SLC35D3: variants seen among roughly 807,000 people sequenced by gnomAD.
The protein encoded by SLC35D3 is frc, fringe-like 1.
Under a neutral mutation model 20.3 loss-of-function variants are expected in SLC35D3, and 18 were observed. That is an observed-to-expected ratio of 0.89 (90% CI 0.61 to 1.32). The LOEUF (loss-of-function observed/expected upper bound fraction) is 1.32. SLC35D3 is among the 40% of genes most tolerant of loss of function. The probability of loss-of-function intolerance (pLI) is 0.00; values close to 1 mark genes in which losing one functional copy is unlikely to be tolerated. For missense variants in SLC35D3, 556 were observed against 565.5 expected, an observed-to-expected ratio of 0.98 and a Z score of 0.17; for synonymous variants, 313 against 263.5, an observed-to-expected ratio of 1.19 and a Z score of -1.82.
Position 136,922,485 on chromosome 6 carries a change from G to T in SLC35D3, c.57G>T (p.Gly19=). The T allele has an allele frequency of 1.2e-6, 2 of 1,607,618 alleles. No individual in the cohort carries two copies. Among genetic ancestry groups the T allele is most frequent in the South Asian group, 1.1e-5 (1 of 90,232 alleles). ...VLGISVAIAH[G]VFSGSLNILL... ...GCATCTCGGTGGCCATCGCGCACGG[G>T]GTCTTCTCGGGCTCCCTCAACATCT... is the stretch of plus-strand genomic sequence containing the variant. Residue 19 remains glycine, a synonymous_variant, in exon 1 of 2, where the codon GGG becomes GGT. Coordinates refer to ENST00000331858, the MANE Select transcript of SLC35D3 (RefSeq NM_001008783.3). This position sits in a 1 kb window ranked among gnomAD's most constrained non-coding sequence, Gnocchi z 6.8.
At position 136,924,346 on chromosome 6, in the gene SLC35D3, A is replaced by T; in HGVS notation, c.901A>T (p.Lys301Ter). 1.2e-6 allele frequency: 2 copies of T among 1,614,144 alleles called. No individual in the cohort carries two copies. The highest frequency in any genetic ancestry group is 1.7e-6 in the Non-Finnish European group (2 of 1,180,046). The change falls in exon 2 of 2, where the codon AAG (lysine) becomes TAG (stop). Residue 301 changes from lysine (K) to a stop codon, truncating the protein, a stop_gained. Transcript: ENST00000331858. LOFTEE classifies it high-confidence loss of function. The stretch of plus-strand genomic sequence containing the variant: ...GGGCTCTATCATTTACTGTGTGGCC[A>T]AGTTCATGGAGACCAGAAAGCAAAG... ...TLGSIIYCVA[K>*]FMETRKQSNY...
In SLC35D3 at chr6:136,923,845, C is replaced by T. The variant is rs950584003; in HGVS notation, c.440-40C>T. The T allele has an allele frequency of 2.0e-5, 30 of 1,467,026 alleles. No homozygotes were observed. Among genetic ancestry groups the T allele is most frequent in the Non-Finnish European group, 2.5e-5 (28 of 1,109,384 alleles). The allele number at this position is 1,467,026 out of a possible 1,614,324, so 90.9% of individuals were successfully genotyped here. ...CAACCTGCTGTCTTCTCTCTTTTTC[C>T]TTCCCGCCCGGGCTCGGCCGTCCTC... is the stretch of plus-strand genomic sequence containing the variant. On this transcript the variant is annotated intron_variant, in intron 1 of 1. Transcript: ENST00000331858. This position sits in a 1 kb window ranked among gnomAD's most constrained non-coding sequence, Gnocchi z 6.2.
rs1776098688 is a variant in SLC35D3, at chr6:136,924,050, T to C, written c.605T>C (p.Val202Ala). Residue 202 changes from valine to alanine, a missense_variant, in exon 2 of 2, where the codon GTC becomes GCC. Val to Ala is a moderately conservative substitution (Grantham distance 64, BLOSUM62 0). Coordinates refer to ENST00000331858, the MANE Select transcript of SLC35D3 (RefSeq NM_001008783.3). ...VIAVSATPLL[V>A]ICSFASTDSI... ...GCCGTCTCTGCCACCCCGCTGCTGGTCATCTGCTCCTTCGCCAGCACCGAC... is the reference window on the plus strand; with the variant it reads ...GCCGTCTCTGCCACCCCGCTGCTGGCCATCTGCTCCTTCGCCAGCACCGAC... The C allele has an allele frequency of 6.2e-7, 1 of 1,609,078 alleles. No individual in the cohort carries two copies. The highest frequency in any genetic ancestry group is 8.5e-7 in the Non-Finnish European group (1 of 1,178,982).
In SLC35D3 at chr6:136,923,062, C is replaced by T. The variant is rs2115307889; in HGVS notation, c.439+195C>T. ...GAGACCCAGAGAGCTCCCCAGCGCC[C>T]CACCAAGTCCCCCTGCCCCCTAATG... On this transcript the variant is annotated intron_variant, in intron 1 of 1. Transcript: ENST00000331858. The surrounding 1 kb of genome is among the most constrained non-coding windows in gnomAD (Gnocchi z 6.2). Among the ~76,000 whole-genome samples the T allele has an allele frequency of 6.6e-6, 1 of 152,304 alleles. No homozygotes were observed. The highest frequency in any genetic ancestry group is 2.4e-5 in the African/African-American group (1 of 41,576).
chr6:136,923,158 C>T lies in SLC35D3; in HGVS notation c.439+291C>T, dbSNP rs1013806594. 6.6e-6 allele frequency among the ~76,000 whole-genome samples: 1 copy of T among 152,180 alleles called. No individual in the cohort carries two copies. The highest frequency in any genetic ancestry group is 2.4e-5 in the African/African-American group (1 of 41,446). On this transcript the variant is annotated intron_variant, in intron 1 of 1. Coordinates refer to ENST00000331858, the MANE Select transcript of SLC35D3 (RefSeq NM_001008783.3). The surrounding 1 kb of genome is among the most constrained non-coding windows in gnomAD (Gnocchi z 6.2). ...CCTGTCGCCCCCTCTCCTGGTCTTC[C>T]CCTGTCACCCCATTCTCCGGGAGAG...
Position 136,924,432 on chromosome 6 carries a change from G to A in SLC35D3, c.987G>A (p.Gln329=). 6.2e-7 allele frequency: 1 copy of A among 1,613,900 alleles called. No individual in the cohort carries two copies. Among genetic ancestry groups the A allele is most frequent in the Non-Finnish European group, 8.5e-7 (1 of 1,179,912 alleles). Residue 329 remains glutamine (Q), a synonymous_variant, in exon 2 of 2, where the codon CAG becomes CAA. Coordinates refer to ENST00000331858, the MANE Select transcript of SLC35D3 (RefSeq NM_001008783.3). ...AGGAGGCGCAGCTAAGTGGAGACCA[G>A]CTGCCGTTCGTGATGGAGGAGCTGC... The part of the protein sequence containing the change: ...RGEEAQLSGD[Q]LPFVMEELPG...
chr6:136,924,252 G>A lies in SLC35D3; in HGVS notation c.807G>A (p.Val269=), dbSNP rs1452096159. 2 of 1,614,090 alleles carry A rather than the reference G, an allele frequency of 1.2e-6. No homozygotes were observed. The highest frequency in any genetic ancestry group is 3.3e-5 in the Admixed American group (2 of 60,036). The stretch of plus-strand genomic sequence containing the variant: ...TGAAGAGCATCGCCACCATCACGGT[G>A]GGCATGGTGGCCTTCAGCGACGTGG... ...GVVKSIATIT[V]GMVAFSDVEP... The change falls in exon 2 of 2, where the codon GTG becomes GTA. Residue 269 remains valine (V), a synonymous_variant. Coordinates refer to ENST00000331858, the MANE Select transcript of SLC35D3 (RefSeq NM_001008783.3).
At position 136,923,730 on chromosome 6, in the gene SLC35D3, G is replaced by A. The variant is rs1030449043; in HGVS notation, c.440-155G>A. On this transcript the variant is annotated intron_variant, in intron 1 of 1. Coordinates refer to ENST00000331858, the MANE Select transcript of SLC35D3 (RefSeq NM_001008783.3). The surrounding 1 kb of genome is among the most constrained non-coding windows in gnomAD (Gnocchi z 6.2). Reference sequence around the variant, plus strand: ...GGTGGCCGAGGGACGGCGGGCGTCTGTCACTCAGGAATCCGGTGGGCAGAG... The same window carrying A: ...GGTGGCCGAGGGACGGCGGGCGTCTATCACTCAGGAATCCGGTGGGCAGAG... 6.6e-6 allele frequency among the ~76,000 whole-genome samples: 1 copy of A among 152,140 alleles called. No individual in the cohort carries two copies. The highest frequency in any genetic ancestry group is 1.5e-5 in the Non-Finnish European group (1 of 68,022).
chr6:136,922,442 G>T lies in SLC35D3; in HGVS notation c.14G>T (p.Cys5Phe). The T allele has an allele frequency of 6.3e-7, 1 of 1,585,612 alleles. No homozygotes were observed. MRQL[C>F]RGRVLGISVA... ...GAGGCCGGCGCGATGCGGCAGCTGTGCCGGGGCCGCGTGCTGGGCATCTCG... is the reference window on the plus strand; with the variant it reads ...GAGGCCGGCGCGATGCGGCAGCTGTTCCGGGGCCGCGTGCTGGGCATCTCG... The change falls in exon 1 of 2, where the codon TGC becomes TTC. Residue 5 changes from cysteine (C) to phenylalanine (F), a missense_variant. Physicochemically the swap from Cys to Phe is radical, Grantham distance 205. Transcript: ENST00000331858. The surrounding 1 kb of genome is among the most constrained non-coding windows in gnomAD (Gnocchi z 6.8).
In SLC35D3 at chr6:136,924,469, G is replaced by C; in HGVS notation, c.1024G>C (p.Gly342Arg). Residue 342 changes from glycine to arginine, a missense_variant, in exon 2 of 2, where the codon GGA (glycine) becomes CGA (arginine). Physicochemically the swap from Gly to Arg is moderately radical, Grantham distance 125. Coordinates refer to ENST00000331858, the MANE Select transcript of SLC35D3 (RefSeq NM_001008783.3). ...GATGGAGGAGCTGCCCGGGGAGGGA[G>C]GAAATGGCCGGTCAGAAGGTGGGGA... ...FVMEELPGEG[G>R]NGRSEGGEAA... 6.2e-7 allele frequency: 1 copy of C among 1,613,786 alleles called. No individual in the cohort carries two copies. The highest frequency in any genetic ancestry group is 1.1e-5 in the South Asian group (1 of 91,064).
At position 136,924,064 on chromosome 6, in the gene SLC35D3, G is replaced by A. The variant is rs1256269464; in HGVS notation, c.619G>A (p.Ala207Thr). The change falls in exon 2 of 2, where the codon GCC becomes ACC. Residue 207 changes from alanine to threonine, a missense_variant. Physicochemically the swap from Ala to Thr is moderately conservative, Grantham distance 58. Transcript: ENST00000331858. Reference protein sequence around the residue: ...ATPLLVICSFASTDSIHAWTF... With the variant: ...ATPLLVICSFTSTDSIHAWTF... ...CCCGCTGCTGGTCATCTGCTCCTTC[G>A]CCAGCACCGACTCCATCCACGCCTG... 2 of 1,610,512 alleles carry A rather than the reference G, an allele frequency of 1.2e-6. No individual in the cohort carries two copies. The highest frequency in any genetic ancestry group is 2.2e-5 in the South Asian group (2 of 90,756).
At position 136,923,331 on chromosome 6, in the gene SLC35D3, G is replaced by A. The variant is rs1776087608; in HGVS notation, c.439+464G>A. On this transcript the variant is annotated intron_variant, in intron 1 of 1. Transcript: ENST00000331858. The surrounding 1 kb of genome is among the most constrained non-coding windows in gnomAD (Gnocchi z 6.2). The stretch of plus-strand genomic sequence containing the variant: ...GCTGAGGGTTCCCGGGGCTACTGCG[G>A]GGTGTCTCGTGCTGCGCAGGGGGCT... 6.6e-6 allele frequency among the ~76,000 whole-genome samples: 1 copy of A among 152,218 alleles called. No individual in the cohort carries two copies. Among genetic ancestry groups the A allele is most frequent in the Non-Finnish European group, 1.5e-5 (1 of 68,032 alleles).
At position 136,922,682 on chromosome 6, in the gene SLC35D3, C is replaced by A; in HGVS notation, c.254C>A (p.Ser85Tyr). The A allele has an allele frequency of 6.2e-7, 1 of 1,603,802 alleles. No homozygotes were observed. The highest frequency in any genetic ancestry group is 8.5e-7 in the Non-Finnish European group (1 of 1,176,842). ...ARSFAGVAVL[S>Y]TLQSSLTLWS... ...TCCTTCGCGGGGGTCGCGGTGCTCT[C>A]CACGCTGCAGTCCAGCCTCACGCTC... The change falls in exon 1 of 2, where the codon TCC becomes TAC. Residue 85 changes from serine to tyrosine, a missense_variant. By Grantham distance (144) the Ser-to-Tyr change is moderately radical. Transcript: ENST00000331858. The surrounding 1 kb of genome is among the most constrained non-coding windows in gnomAD (Gnocchi z 6.8).
rs1776074996 is a variant in SLC35D3, at chr6:136,922,482, C to G, written c.54C>G (p.His18Gln). 1 of 1,605,648 alleles carries G rather than the reference C, an allele frequency of 6.2e-7. No individual in the cohort carries two copies. The highest frequency in any genetic ancestry group is 8.5e-7 in the Non-Finnish European group (1 of 1,177,010). Residue 18 changes from histidine (H) to glutamine (Q), a missense_variant, in exon 1 of 2, where the codon CAC (histidine) becomes CAG (glutamine). Transcript: ENST00000331858. This position sits in a 1 kb window ranked among gnomAD's most constrained non-coding sequence, Gnocchi z 6.8. The stretch of plus-strand genomic sequence containing the variant: ...TGGGCATCTCGGTGGCCATCGCGCA[C>G]GGGGTCTTCTCGGGCTCCCTCAACA... ...RVLGISVAIAHGVFSGSLNIL... is the reference protein window; with the variant it reads ...RVLGISVAIAQGVFSGSLNIL...
chr6:136,923,798 C>T lies in SLC35D3; in HGVS notation c.440-87C>T, dbSNP rs1479590630. On this transcript the variant is annotated intron_variant, in intron 1 of 1. Coordinates refer to ENST00000331858, the MANE Select transcript of SLC35D3 (RefSeq NM_001008783.3). This position sits in a 1 kb window ranked among gnomAD's most constrained non-coding sequence, Gnocchi z 6.2. The stretch of plus-strand genomic sequence containing the variant: ...TCTCCTTTCCTACCCGACGCGTTTT[C>T]CCCGTGGGTCCCCGCCCACGCCAAC... 1 of 1,317,584 alleles carries T rather than the reference C, an allele frequency of 7.6e-7. No homozygotes were observed. The highest frequency in any genetic ancestry group is 1.0e-6 in the Non-Finnish European group (1 of 990,280). The allele number at this position is 1,317,584 out of a possible 1,614,324, so 81.6% of individuals were successfully genotyped here.
In SLC35D3 at chr6:136,924,878, A is replaced by G. The variant is rs1486895063; in HGVS notation, c.*182A>G. On this transcript the variant is annotated 3_prime_UTR_variant, in exon 2 of 2. Coordinates refer to ENST00000331858, the MANE Select transcript of SLC35D3 (RefSeq NM_001008783.3). The stretch of plus-strand genomic sequence containing the variant: ...GCACCTGTGTGAATTATTTAGTGTG[A>G]CTTCACCTGAGGCATCACAGAGACA... 5.1e-6 allele frequency: 3 copies of G among 582,654 alleles called. No homozygotes were observed. The African/African-American group carries it at 5.6e-5, about 11-fold the overall frequency. The allele number at this position is 582,654 out of a possible 1,614,324, so 36.1% of individuals were successfully genotyped here.
Position 136,922,807 on chromosome 6 carries a change from G to T in SLC35D3, c.379G>T (p.Ala127Ser). 1 of 1,561,076 alleles carries T rather than the reference G, an allele frequency of 6.4e-7. No homozygotes were observed. The highest frequency in any genetic ancestry group is 8.7e-7 in the Non-Finnish European group (1 of 1,153,826). ...LIGVLVLKNG[A>S]PSPGVLAAVL... ...CGGCGTCCTGGTGCTCAAGAACGGC[G>T]CGCCCTCGCCAGGGGTGCTGGCGGC... The change falls in exon 1 of 2, where the codon GCG becomes TCG. Residue 127 changes from alanine to serine, a missense_variant. Coordinates refer to ENST00000331858, the MANE Select transcript of SLC35D3 (RefSeq NM_001008783.3). This position sits in a 1 kb window ranked among gnomAD's most constrained non-coding sequence, Gnocchi z 6.8.
chr6:136,924,825 A>C lies in SLC35D3; in HGVS notation c.*129A>C. 1 of 987,762 alleles carries C rather than the reference A, an allele frequency of 1.0e-6. No individual in the cohort carries two copies. Among genetic ancestry groups the C allele is most frequent in the Non-Finnish European group, 1.4e-6 (1 of 694,222 alleles). The allele number at this position is 987,762 out of a possible 1,614,324, so 61.2% of individuals were successfully genotyped here. On this transcript the variant is annotated 3_prime_UTR_variant, in exon 2 of 2. Transcript: ENST00000331858. ...GAAGGGAAGAAAAGAAAGAAGCTGA[A>C]AGGTACTGACACAGAGCAACAAAAT...
Position 136,923,487 on chromosome 6 carries a change from G to T in SLC35D3, c.440-398G>T, listed in dbSNP as rs929067100. ...TCCGGGTTGCAGGCCACTGGCTGGG[G>T]CTCCCTCTCCCTTTGGTGCCCCACG... On this transcript the variant is annotated intron_variant, in intron 1 of 1. Transcript: ENST00000331858. The surrounding 1 kb of genome is among the most constrained non-coding windows in gnomAD (Gnocchi z 6.2). Among the ~76,000 whole-genome samples, 8 of 152,208 alleles carry T rather than the reference G, an allele frequency of 5.3e-5. No individual in the cohort carries two copies. Among genetic ancestry groups the T allele is most frequent in the Non-Finnish European group, 1.2e-4 (8 of 68,034 alleles).
Sources: gnomAD v4.1 joint callset for allele counts (sites outside exome capture counted in the v4.1 genomes callset) on GRCh38, gnomAD v4.1.1 for gene constraint, Gnocchi (gnomAD v3.1) non-coding constraint, MANE v1.5 for transcripts, NCBI Gene and HGNC (gene_info 2026-07-23, HGNC 2026-07-21) for gene names.